Variants in FSTL3 observed in about 807,000 individuals in gnomAD.
FSTL3 encodes the protein follistatin-related protein 3.
In FSTL3, 21 loss-of-function variants were observed where a neutral mutation model predicts 28.1. The ratio of observed to expected loss-of-function variants is 0.75; its 90% confidence interval spans 0.53 to 1.08. FSTL3 has a LOEUF of 1.08. FSTL3 is among the 50% of genes least tolerant of loss of function. The pLI is 0.00. For missense variants in FSTL3, 400 were observed against 380.9 expected, an observed-to-expected ratio of 1.05 and a Z score of -0.42; for synonymous variants, 199 against 164.2, an observed-to-expected ratio of 1.21 and a Z score of -1.62.
At chr19:676,926 G>C (rs999406433) in intron 1 of FSTL3, among the ~76,000 whole-genome samples, 4 of 152,084 alleles carry the variant, frequency 2.6e-5, no homozygotes, top group Non-Finnish European at 5.9e-5. Flanking sequence ...CTGGGTGTCG[G>C]GAGCCAGGCC....
chr19:676,590 G>A (rs1169525313), intron 1 of FSTL3, 64 bp downstream of exon 1: 16 of 550,848 alleles, frequency 2.9e-5, no homozygotes, highest in Non-Finnish European at 3.8e-5. Flanking sequence ...GCGGAATGCG[G>A]CCGGGGGGAC....
At chr19:680,533 C>G in intron 3 of FSTL3, 44 bp downstream of exon 3, 1 of 1,074,340 alleles carries the variant, frequency 9.3e-7, no homozygotes. Flanking sequence ...CGGGACCTAC[C>G]GGACCTGCGC....
In FSTL3 at chr19:682,894, G is replaced by C; in HGVS notation, c.*1186G>C. The stretch of plus-strand genomic sequence containing the variant: ...GTGTGACATCCGGAGTCCTGGAGCC[G>C]GGTGTCCCAGTGGCACCACTAGGTG... On this transcript the variant is annotated 3_prime_UTR_variant, in exon 5 of 5. Transcript: ENST00000166139. The C allele has an allele frequency of 1.3e-5, 3 of 232,524 alleles. No homozygotes were observed. The East Asian group carries it at 1.8e-4, about 14-fold the overall frequency. The allele number at this position is 232,524 out of a possible 1,614,324, so 14.4% of individuals were successfully genotyped here.
Position 676,432 on chromosome 19 carries a change from C to A in FSTL3, c.9C>A (p.Pro3=). 1 of 1,204,070 alleles carries A rather than the reference C, an allele frequency of 8.3e-7. No individual in the cohort carries two copies. The highest frequency in any genetic ancestry group is 1.0e-6 in the Non-Finnish European group (1 of 964,976). 74.6% of individuals were successfully genotyped at this position (1,204,070 alleles called of 1,614,324 possible). The stretch of plus-strand genomic sequence containing the variant: ...CCGTCTCTGCGTTCGCCATGCGTCC[C>A]GGGGCGCCAGGGCCACTCTGGCCTC... MR[P]GAPGPLWPLP... is the part of the protein sequence containing the mutation. The change falls in exon 1 of 5, where the codon CCC becomes CCA. Residue 3 remains proline, a synonymous_variant. Coordinates refer to ENST00000166139, the MANE Select transcript of FSTL3 (RefSeq NM_005860.3).
At position 682,688 on chromosome 19, in the gene FSTL3, G is replaced by C. The variant is rs1464976712; in HGVS notation, c.*980G>C. ...ACCACCCAGCGTCTCCCCTGCTGCT[G>C]TCCACGTCAGTTCATGAGGCAACGT... On this transcript the variant is annotated 3_prime_UTR_variant, in exon 5 of 5. Coordinates refer to ENST00000166139, the MANE Select transcript of FSTL3 (RefSeq NM_005860.3). 4.3e-6 allele frequency: 1 copy of C among 233,286 alleles called. No homozygotes were observed. The highest frequency in any genetic ancestry group is 8.5e-6 in the Non-Finnish European group (1 of 118,148). The allele number at this position is 233,286 out of a possible 1,614,324, so 14.5% of individuals were successfully genotyped here.
intron 3 of FSTL3, 43 bp downstream of exon 3, chr19:680,532 C>G (rs1212433752): frequency 2.7e-6 from 3 of 1,130,104 alleles, no homozygotes; most frequent in Non-Finnish European, 3.3e-6. Flanking sequence ...GCGGGACCTA[C>G]CGGACCTGCG....
Position 681,883 on chromosome 19 carries a change from C to T in FSTL3, c.*175C>T. On this transcript the variant is annotated 3_prime_UTR_variant, in exon 5 of 5. Coordinates refer to ENST00000166139, the MANE Select transcript of FSTL3 (RefSeq NM_005860.3). ...TCCTGGAAGGACTGAGGAAGGGAGG[C>T]CTGGGGGCCGGCTGGTGGGTGGGAT... 1 of 653,738 alleles carries T rather than the reference C, an allele frequency of 1.5e-6. No individual in the cohort carries two copies. Among genetic ancestry groups the T allele is most frequent in the Non-Finnish European group, 2.7e-6 (1 of 376,362 alleles). 40.5% of individuals were successfully genotyped at this position (653,738 alleles called of 1,614,324 possible).
Position 681,447 on chromosome 19 carries a change from G to C in FSTL3, c.620G>C (p.Gly207Ala), listed in dbSNP as rs770929666. 12 of 1,599,372 alleles carry C rather than the reference G, an allele frequency of 7.5e-6. No homozygotes were observed. In the East Asian group the frequency reaches 2.7e-4, roughly 36 times the overall value. The change falls in exon 4 of 5, where the codon GGC (glycine) becomes GCC (alanine). Residue 207 changes from glycine (G) to alanine (A), a missense_variant. Coordinates refer to ENST00000166139, the MANE Select transcript of FSTL3 (RefSeq NM_005860.3). Reference sequence around the variant, plus strand: ...CCCTGCCCTGTGCCCTCCAGCCCCGGCCAGGAGCTTTGCGGCAACAACAAC... The same window carrying C: ...CCCTGCCCTGTGCCCTCCAGCCCCGCCCAGGAGCTTTGCGGCAACAACAAC... ...AAPCPVPSSP[G>A]QELCGNNNVT...
intron 2 of FSTL3, chr19:680,067 G>C (rs2031295041): frequency 3.5e-6 from 1 of 287,158 alleles, no homozygotes; most frequent in East Asian, 5.9e-5. Flanking sequence ...GCGCAGCGCG[G>C]ACCTCGGCCC....
chr19:680,694 G>T, intron 3 of FSTL3: 1 of 271,432 alleles, frequency 3.7e-6, no homozygotes. Context: ...GGGCCTGCTG[G>T]AGGGGCGGGG....
At chr19:678,713 A>G (rs1237192324) in intron 2 of FSTL3, among the ~76,000 whole-genome samples, 7 of 151,888 alleles carry the variant, frequency 4.6e-5, no homozygotes, top group Admixed American at 3.3e-4. Flanking sequence ...GTTTCACCAC[A>G]TTGGCCAGGC....
Position 682,971 on chromosome 19 carries a change from A to T in FSTL3, c.*1263A>T, listed in dbSNP as rs921809498. ...ACCCAGGGCTCCTTGGTCCCCCACA[A>T]CCTGCCCCGGCCAGGCCTGCAGACC... On this transcript the variant is annotated 3_prime_UTR_variant, in exon 5 of 5. Coordinates refer to ENST00000166139, the MANE Select transcript of FSTL3 (RefSeq NM_005860.3). The T allele has an allele frequency of 8.6e-6, 2 of 232,746 alleles. No homozygotes were observed. The highest frequency in any genetic ancestry group is 1.7e-5 in the Non-Finnish European group (2 of 117,894). 14.4% of individuals were successfully genotyped at this position (232,746 alleles called of 1,614,324 possible). A position where few individuals can be genotyped will look rare whatever the true frequency, so the allele number is the denominator to read the frequency against.
intron 3 of FSTL3, chr19:680,756 G>T (rs1197425980): frequency 5.7e-6 from 2 of 349,364 alleles, no homozygotes; most frequent in Non-Finnish European, 1.0e-5. Flanking sequence ...CAGGTCACAT[G>T]GGTGGCGGTG....
At chr19:680,889 A>C (rs977842737) in intron 3 of FSTL3, 4 of 231,804 alleles carry the variant, frequency 1.7e-5, no homozygotes, top group Admixed American at 5.1e-5. Context: ...GGTATGTGGC[A>C]TGGTCAGAGC....
rs999127170 is a variant in FSTL3, at chr19:682,494, T to A, written c.*786T>A. 4.3e-6 allele frequency: 1 copy of A among 233,844 alleles called. No individual in the cohort carries two copies. Among genetic ancestry groups the A allele is most frequent in the Non-Finnish European group, 8.4e-6 (1 of 118,534 alleles). 14.5% of individuals were successfully genotyped at this position (233,844 alleles called of 1,614,324 possible). ...TTAGCCCAGCAAGCCAGGCCCTTCATGAAGGCCAAGAAGGCTGCCACCATT... is the reference window on the plus strand; with the variant it reads ...TTAGCCCAGCAAGCCAGGCCCTTCAAGAAGGCCAAGAAGGCTGCCACCATT... On this transcript the variant is annotated 3_prime_UTR_variant, in exon 5 of 5. Coordinates refer to ENST00000166139, the MANE Select transcript of FSTL3 (RefSeq NM_005860.3).
chr19:678,367 C>T (rs1263423280), intron 2 of FSTL3, among the ~76,000 whole-genome samples: 2 of 152,186 alleles, frequency 1.3e-5, no homozygotes, highest in East Asian at 3.8e-4. Context: ...GGTGGGGTTA[C>T]AGCTGCATGT....
chr19:680,772 T>C (rs1398134289), intron 3 of FSTL3: 1 of 326,528 alleles, frequency 3.1e-6, no homozygotes, highest in Non-Finnish European at 5.6e-6. Flanking sequence ...CGGTGGGGCC[T>C]GAGTAAGGGC....
At chr19:677,534 G>A (rs924860499) in intron 1 of FSTL3, among the ~76,000 whole-genome samples, 12 of 151,124 alleles carry the variant, frequency 7.9e-5, no homozygotes, top group African/African-American at 2.7e-4. Context: ...GGAGGGTACG[G>A]GAAGGGACCT....
Position 676,458 on chromosome 19 carries a change from TGCCCTGGGGG to T in FSTL3, c.43_52del (p.Gly15LeufsTer7), listed in dbSNP as rs771028734. ...GGGGCGCCAGGGCCACTCTGGCCTC[TGCCCTGGGGG>T]GCCCTGGCTTGGGCCGTGGGCTTCG... On this transcript the variant is annotated frameshift_variant, in exon 1 of 5. Coordinates refer to ENST00000166139, the MANE Select transcript of FSTL3 (RefSeq NM_005860.3). LOFTEE classifies it high-confidence loss of function. 1 of 1,197,844 alleles carries T rather than the reference TGCCCTGGGGG, an allele frequency of 8.3e-7. No individual in the cohort carries two copies. 74.2% of individuals were successfully genotyped at this position (1,197,844 alleles called of 1,614,324 possible). A position where few individuals can be genotyped will look rare whatever the true frequency, so the allele number is the denominator to read the frequency against.
Sources: allele counts gnomAD v4.1 joint callset (sites outside exome capture counted in the v4.1 genomes callset), GRCh38; gene constraint gnomAD v4.1.1; transcripts MANE v1.5; gene names NCBI Gene and HGNC (gene_info 2026-07-23, HGNC 2026-07-21).